The following MYO9A variants were observed in gnomAD, a reference collection of about 807,000 sequenced individuals.
MYO9A encodes the protein myosin IXA.
MYO9A carries 103 observed loss-of-function variants against 293.3 expected under a neutral mutation model. The ratio of observed to expected loss-of-function variants is 0.35; its 90% CI spans 0.30 to 0.41. The LOEUF (loss-of-function observed/expected upper bound fraction) is 0.41, where lower values mean the gene tolerates loss of function less well. Ranked by LOEUF, MYO9A falls within the 10% of genes least tolerant of loss-of-function variation. The probability of loss-of-function intolerance (pLI) is 1.00; values close to 1 mark genes in which losing one functional copy is unlikely to be tolerated. For synonymous variants in MYO9A, 1,001 were observed against 1,035.7 expected (o/e 0.97, Z 0.64); for missense variants, 2,685 against 3,033.0 (o/e 0.89, Z 2.69).
chr15:72,072,156 G>A (rs1447662377), intron 1 of MYO9A, among the ~76,000 whole-genome samples: 1 of 150,810 alleles, frequency 6.6e-6, no homozygotes, highest in Non-Finnish European at 1.5e-5. Context: ...TTTGGAGACG[G>A]AGTCTTGCTC....
chr15:72,099,817 G>T (rs1385547778), intron 1 of MYO9A, among the ~76,000 whole-genome samples: 1 of 144,300 alleles, frequency 6.9e-6, no homozygotes, highest in Non-Finnish European at 1.5e-5. Flanking sequence ...CAGGAGAACT[G>T]CTTGAACCCA....
chr15:71,916,853 G>T (rs922406750), intron 18 of MYO9A, among the ~76,000 whole-genome samples: 14 of 152,226 alleles, frequency 9.2e-5, no homozygotes, highest in Middle Eastern at 3.4e-3. Context: ...CCTTTTTTCT[G>T]TGGTTCCAGC....
intron 2 of MYO9A, among the ~76,000 whole-genome samples, chr15:72,042,001 T>C (rs987806247): frequency 4.7e-5 from 7 of 147,922 alleles, no homozygotes; most frequent in Non-Finnish European, 7.5e-5. Flanking sequence ...ATTAATGAAT[T>C]CCAACACTGA....
chr15:71,824,981 G>GAAGA lies in MYO9A; in HGVS notation c.*1595_*1598dup, dbSNP rs2054412440. 1 of 152,198 alleles carries GAAGA rather than the reference G, an allele frequency of 6.6e-6. No individual in the cohort carries two copies. Among genetic ancestry groups the GAAGA allele is most frequent in the African/African-American group, 2.4e-5 (1 of 41,454 alleles). 9.4% of individuals were successfully genotyped at this position (152,198 alleles called of 1,614,324 possible). A position where few individuals can be genotyped will look rare whatever the true frequency, so the allele number is the denominator to read the frequency against. On this transcript the variant is annotated 3_prime_UTR_variant, in exon 42 of 42. Coordinates refer to ENST00000356056, the MANE Select transcript of MYO9A (RefSeq NM_006901.4). ...CACAACTTCAAAGAAGTATGAAAAGGAAGAATACCCAAAATACAGGTTATA... is the reference window on the plus strand; with the variant it reads ...CACAACTTCAAAGAAGTATGAAAAGGAAGAAAGAATACCCAAAATACAGGTTATA...
At chr15:72,001,082 C>G (rs2076851340) in intron 8 of MYO9A, among the ~76,000 whole-genome samples, 1 of 152,158 alleles carries the variant, frequency 6.6e-6, no homozygotes, top group African/African-American at 2.4e-5. Context: ...AGCAGTAGCA[C>G]TGAGAGTTCT....
chr15:72,066,182 T>G (rs1261613462), intron 1 of MYO9A, among the ~76,000 whole-genome samples: 1 of 152,210 alleles, frequency 6.6e-6, no homozygotes, highest in Non-Finnish European at 1.5e-5. Flanking sequence ...ATTTTCAGGT[T>G]AAGCAGTAAT....
chr15:72,032,846 G>GTTAT lies in MYO9A; in HGVS notation c.841-262_841-259dup, dbSNP rs576506684. Reference sequence around the variant, plus strand: ...AAAATAAACCATAATTTTATTTTATGTTATTTATTTATTTATTTATTTTGG... The same window carrying GTTAT: ...AAAATAAACCATAATTTTATTTTATGTTATTTATTTATTTATTTATTTATTTTGG... On this transcript the variant is annotated intron_variant, in intron 2 of 41. Coordinates refer to ENST00000356056, the MANE Select transcript of MYO9A (RefSeq NM_006901.4). Among the ~76,000 whole-genome samples the GTTAT allele has an allele frequency of 1.2e-3, 189 of 151,918 alleles. 2 individuals carry two copies. The highest frequency in any genetic ancestry group is 1.8e-3 in the Admixed American group (27 of 15,250).
At position 71,897,584 on chromosome 15, in the gene MYO9A, C is replaced by A. The variant is rs772538066; in HGVS notation, c.4919G>T (p.Arg1640Leu). Residue 1640 changes from arginine to leucine, a missense_variant, in exon 25 of 42, where the codon CGC becomes CTC. Physicochemically the swap from Arg to Leu is moderately radical, Grantham distance 102. This residue lies in a region of MYO9A where 1,434 missense variants were observed against 1,497.7 expected (regional missense o/e 0.96). Coordinates refer to ENST00000356056, the MANE Select transcript of MYO9A (RefSeq NM_006901.4). ...LNVACKLSNN[R>L]ISKREHFRPT... The stretch of plus-strand genomic sequence containing the variant: ...CCTAAAGTGTTCTCTTTTTGAAATG[C>A]GATTATTTGAGAGTTTACAGGCTAC... 6.2e-7 allele frequency: 1 copy of A among 1,614,050 alleles called. No homozygotes were observed. The highest frequency in any genetic ancestry group is 8.5e-7 in the Non-Finnish European group (1 of 1,179,996).
chr15:72,068,420 T>G (rs1035375858), intron 1 of MYO9A, among the ~76,000 whole-genome samples: 1 of 152,106 alleles, frequency 6.6e-6, no homozygotes, highest in African/African-American at 2.4e-5. Flanking sequence ...ACTAATGCCA[T>G]AGATGTGATG....
chr15:72,109,833 C>CTGCA (rs2080712430), intron 1 of MYO9A, among the ~76,000 whole-genome samples: 1 of 150,460 alleles, frequency 6.6e-6, no homozygotes, highest in Non-Finnish European at 1.5e-5. Context: ...AAAGTGGAGG[C>CTGCA]TGCAGTGAGC....
At chr15:71,835,671 T>C (rs906323407) in intron 39 of MYO9A, among the ~76,000 whole-genome samples, 1 of 152,046 alleles carries the variant, frequency 6.6e-6, no homozygotes, top group Non-Finnish European at 1.5e-5. Context: ...ATGGGAAAAA[T>C]CAGTATCGTA....
At chr15:72,004,694 T>C (rs1392798750) in intron 8 of MYO9A, among the ~76,000 whole-genome samples, 1 of 152,194 alleles carries the variant, frequency 6.6e-6, no homozygotes, top group East Asian at 1.9e-4. Flanking sequence ...AACAAAAACA[T>C]CTTCCACAAT....
At chr15:72,052,594 C>G (rs1435492791) in intron 1 of MYO9A, among the ~76,000 whole-genome samples, 7 of 152,182 alleles carry the variant, frequency 4.6e-5, no homozygotes, top group African/African-American at 1.7e-4. Flanking sequence ...GACCTGGGGG[C>G]TCCCCAAGCC....
chr15:71,834,418 C>A (rs1369866971), intron 39 of MYO9A, among the ~76,000 whole-genome samples: 2 of 152,062 alleles, frequency 1.3e-5, no homozygotes, highest in Non-Finnish European at 2.9e-5. Flanking sequence ...AAACTATTCC[C>A]TAACTTGTCT....
chr15:72,056,528 G>C (rs909228209), intron 1 of MYO9A, among the ~76,000 whole-genome samples: 5 of 152,232 alleles, frequency 3.3e-5, no homozygotes, highest in Admixed American at 3.3e-4. Flanking sequence ...TCATAAGCAG[G>C]AGCTAAGCTA....
At chr15:71,968,432 C>A (rs1286218575) in intron 12 of MYO9A, among the ~76,000 whole-genome samples, 4 of 152,144 alleles carry the variant, frequency 2.6e-5, no homozygotes, top group Non-Finnish European at 5.9e-5. Flanking sequence ...TTCTGAACTA[C>A]TATAAAACCC....
Position 71,925,354 on chromosome 15 carries a change from C to T in MYO9A, c.2562+8316G>A, listed in dbSNP as rs1448613222. Among the ~76,000 whole-genome samples, 10 of 146,062 alleles carry T rather than the reference C, an allele frequency of 6.8e-5. No individual in the cohort carries two copies. In the East Asian group the frequency reaches 1.4e-3, roughly 20 times the overall value. On this transcript the variant is annotated intron_variant, in intron 18 of 41. Coordinates refer to ENST00000356056, the MANE Select transcript of MYO9A (RefSeq NM_006901.4). ...ATACGTATATGTACATATATACTTA[C>T]ATGTATATATACATATATACGTATA...
At position 71,960,113 on chromosome 15, in the gene MYO9A, C is replaced by A. The variant is rs2059292115; in HGVS notation, c.1987-17G>T. 1.2e-6 allele frequency: 2 copies of A among 1,610,246 alleles called. No individual in the cohort carries two copies. Among genetic ancestry groups the A allele is most frequent in the South Asian group, 2.2e-5 (2 of 90,792 alleles). ...CCGGAAATCCTATATGAAAAAAGTA[C>A]CAGTGTTACTTATGGGAAAAAAAAA... On this transcript the variant is annotated splice_polypyrimidine_tract_variant and intron_variant, in intron 13 of 41. Transcript: ENST00000356056.
At position 72,045,767 on chromosome 15, in the gene MYO9A, C is replaced by A; in HGVS notation, c.797G>T (p.Ser266Ile). ...LTALSQKGFA[S>I]GVEQIILGAG... is the part of the protein sequence containing the mutation. Reference sequence around the variant, plus strand: ...TCCAAGAATAATCTGTTCTACTCCACTGGCAAATCCTTTCTGACTGAGAGC... The same window carrying A: ...TCCAAGAATAATCTGTTCTACTCCAATGGCAAATCCTTTCTGACTGAGAGC... Residue 266 changes from serine (S) to isoleucine (I), a missense_variant, in exon 2 of 42, where the codon AGT becomes ATT. Coordinates refer to ENST00000356056, the MANE Select transcript of MYO9A (RefSeq NM_006901.4). 6.2e-7 allele frequency: 1 copy of A among 1,613,928 alleles called. No individual in the cohort carries two copies. Among genetic ancestry groups the A allele is most frequent in the Non-Finnish European group, 8.5e-7 (1 of 1,179,916 alleles).
Sources: allele counts gnomAD v4.1 joint callset (sites outside exome capture counted in the v4.1 genomes callset), GRCh38; gene constraint gnomAD v4.1.1; regional missense constraint gnomAD v4.1.1; transcripts MANE v1.5; gene names NCBI Gene and HGNC (gene_info 2026-07-23, HGNC 2026-07-21).